The following GPR20 variants were observed in gnomAD, a reference collection of about 807,000 sequenced individuals.
The protein encoded by GPR20 is G protein-coupled receptor 20.
For missense variants in GPR20, 494 were observed against 527.4 expected (o/e 0.94, Z 0.62); for synonymous variants, 241 against 241.9 (o/e 1.00, Z 0.04).
chr8:141,357,619 A>G lies in GPR20; in HGVS notation c.305T>C (p.Val102Ala). 2 of 1,613,978 alleles carry G rather than the reference A, an allele frequency of 1.2e-6. No homozygotes were observed. Among genetic ancestry groups the G allele is most frequent in the Non-Finnish European group, 1.7e-6 (2 of 1,180,006 alleles). Residue 102 changes from valine (V) to alanine (A), a missense_variant, in exon 2 of 2, where the codon GTA (valine) becomes GCA (alanine). Physicochemically the swap from Val to Ala is moderately conservative, Grantham distance 64. Transcript: ENST00000377741. The part of the protein sequence containing the change: ...TINLVVTDLL[V>A]GLSLPTRFAV... Reference sequence around the variant, plus strand: ...GAAGCGCGTGGGCAGGGACAGCCCTACCAGTAGATCGGTCACCACCAGGTT... The same window carrying G: ...GAAGCGCGTGGGCAGGGACAGCCCTGCCAGTAGATCGGTCACCACCAGGTT...
At chr8:141,362,424 T>C (rs1017827740) in intron 1 of GPR20, among the ~76,000 whole-genome samples, 5 of 152,196 alleles carry the variant, frequency 3.3e-5, no homozygotes, top group Middle Eastern at 6.3e-3. Context: ...CTCCCATCTG[T>C]TCCACCAGCC....
chr8:141,357,904 G>C lies in GPR20; in HGVS notation c.20C>G (p.Ala7Gly). The C allele has an allele frequency of 6.4e-7, 1 of 1,568,650 alleles. No homozygotes were observed. Among genetic ancestry groups the C allele is most frequent in the Non-Finnish European group, 8.7e-7 (1 of 1,154,072 alleles). Residue 7 changes from alanine (A) to glycine (G), a missense_variant, in exon 2 of 2, where the codon GCG becomes GGG. Physicochemically the swap from Ala to Gly is moderately conservative, Grantham distance 60. Coordinates refer to ENST00000377741, the MANE Select transcript of GPR20 (RefSeq NM_005293.3). ...GGGGACTGCCCCGGCCGAGGGCCCCGCTGGAGACACAGAGGGCATGACGGC... is the reference window on the plus strand; with the variant it reads ...GGGGACTGCCCCGGCCGAGGGCCCCCCTGGAGACACAGAGGGCATGACGGC... Reference protein sequence around the residue: MPSVSPAGPSAGAVPNA... With the variant: MPSVSPGGPSAGAVPNA...
chr8:141,362,822 C>A (rs770288455), intron 1 of GPR20, among the ~76,000 whole-genome samples: 2 of 151,178 alleles, frequency 1.3e-5, no homozygotes, highest in Non-Finnish European at 2.9e-5. Context: ...GGCGAAATGT[C>A]GGCTCACTGC....
chr8:141,362,061 G>T (rs1472320230), intron 1 of GPR20, among the ~76,000 whole-genome samples: 3 of 152,112 alleles, frequency 2.0e-5, no homozygotes, highest in Non-Finnish European at 4.4e-5. Flanking sequence ...CCTGAGGCCT[G>T]GACTGCTGGG....
chr8:141,360,690 G>A (rs1563706526), intron 1 of GPR20, among the ~76,000 whole-genome samples: 2 of 152,166 alleles, frequency 1.3e-5, no homozygotes, highest in East Asian at 1.9e-4. Flanking sequence ...AGAAGGTTCC[G>A]CCCCTCCTGG....
At chr8:141,367,086 C>T (rs570307463) in intron 1 of GPR20, 115 bp downstream of exon 1, 1 of 152,398 alleles carries the variant, frequency 6.6e-6, no homozygotes, top group East Asian at 1.9e-4. Flanking sequence ...TCTGCCCTGC[C>T]CTTCCCACTC....
chr8:141,365,377 G>T (rs1262670136), intron 1 of GPR20, among the ~76,000 whole-genome samples: 1 of 152,224 alleles, frequency 6.6e-6, no homozygotes, highest in Non-Finnish European at 1.5e-5. Flanking sequence ...GTGCAGGAGG[G>T]GCTGAGCTCT....
intron 1 of GPR20, among the ~76,000 whole-genome samples, chr8:141,359,918 CT>C (rs995871480): frequency 6.6e-6 from 1 of 152,242 alleles, no homozygotes; most frequent in Non-Finnish European, 1.5e-5. Flanking sequence ...GTGCCTTTTG[CT>C]TTTCCAATTT....
intron 1 of GPR20, among the ~76,000 whole-genome samples, chr8:141,364,329 A>G (rs896178100): frequency 6.6e-6 from 1 of 152,196 alleles, no homozygotes; most frequent in Non-Finnish European, 1.5e-5. Flanking sequence ...CTGCCTGTTT[A>G]TTTTTATGAT....
intron 1 of GPR20, among the ~76,000 whole-genome samples, chr8:141,361,799 G>GGGCAGT (rs965555454): frequency 1.3e-5 from 2 of 148,630 alleles, no homozygotes; most frequent in Non-Finnish European, 3.0e-5. Flanking sequence ...GCAGGGGCAG[G>GGGCAGT]TGTGCTGCGG....
intron 1 of GPR20, among the ~76,000 whole-genome samples, chr8:141,365,792 T>A (rs1476697768): frequency 6.6e-6 from 1 of 152,030 alleles, no homozygotes; most frequent in Non-Finnish European, 1.5e-5. Context: ...AACTTAAGGT[T>A]CTTTGGGCCC....
At chr8:141,358,269 G>T (rs1299100187) in intron 1 of GPR20, among the ~76,000 whole-genome samples, 2 of 152,268 alleles carry the variant, frequency 1.3e-5, no homozygotes, top group African/African-American at 4.8e-5. Context: ...CACGTGCGGT[G>T]CAGGGCTGTC....
chr8:141,365,209 T>C (rs1230410741), intron 1 of GPR20, among the ~76,000 whole-genome samples: 1 of 152,232 alleles, frequency 6.6e-6, no homozygotes. Flanking sequence ...GGGAGAGCTA[T>C]GATCCCACAA....
chr8:141,358,230 A>G (rs1462750779), intron 1 of GPR20, among the ~76,000 whole-genome samples: 1 of 152,208 alleles, frequency 6.6e-6, no homozygotes, highest in African/African-American at 2.4e-5. Flanking sequence ...GGTTTCTGCG[A>G]CCGTCCTGGC....
chr8:141,357,844 G>A lies in GPR20; in HGVS notation c.80C>T (p.Ala27Val), dbSNP rs1161800745. The A allele has an allele frequency of 2.5e-6, 4 of 1,612,814 alleles. No homozygotes were observed. The highest frequency in any genetic ancestry group is 1.1e-5 in the South Asian group (1 of 90,984). The change falls in exon 2 of 2, where the codon GCC (alanine) becomes GTC (valine). Residue 27 changes from alanine (A) to valine (V), a missense_variant. Coordinates refer to ENST00000377741, the MANE Select transcript of GPR20 (RefSeq NM_005293.3). ...GAACAGGGGCACCTCCAGCCCGCTG[G>A]CATTGGTCCGCACTGTTGTCACTGC... ...ATAVTTVRTNASGLEVPLFHL... is the reference protein window; with the variant it reads ...ATAVTTVRTNVSGLEVPLFHL...
At position 141,357,002 on chromosome 8, in the gene GPR20, C is replaced by T. The variant is rs559578522; in HGVS notation, c.922G>A (p.Val308Ile). 1.9e-5 allele frequency: 31 copies of T among 1,613,096 alleles called. No homozygotes were observed. In the Admixed American group the frequency reaches 3.0e-4, roughly 16 times the overall value. ...CCGTGCTGGCCGAAGAGGCCTCGGA[C>T]GGTGGCCTGGAAGCCACTGGTGACG... ...CFVTSGFQAT[V>I]RGLFGQHGER... is the part of the protein sequence containing the mutation. The change falls in exon 2 of 2, where the codon GTC becomes ATC. Residue 308 changes from valine (V) to isoleucine (I), a missense_variant. By Grantham distance (29) the Val-to-Ile change is conservative. Coordinates refer to ENST00000377741, the MANE Select transcript of GPR20 (RefSeq NM_005293.3).
chr8:141,357,427 C>T lies in GPR20; in HGVS notation c.497G>A (p.Cys166Tyr), dbSNP rs1432887295. Residue 166 changes from cysteine (C) to tyrosine (Y), a missense_variant, in exon 2 of 2, where the codon TGT (cysteine) becomes TAT (tyrosine). Transcript: ENST00000377741. ...EGSRRCRQPA[C>Y]ARAVCAFVWL... Reference sequence around the variant, plus strand: ...CACGAAGGCGCACACGGCCCTGGCACAGGCAGGCTGGCGGCAGCGGCGGGA... The same window carrying T: ...CACGAAGGCGCACACGGCCCTGGCATAGGCAGGCTGGCGGCAGCGGCGGGA... 1 of 1,606,754 alleles carries T rather than the reference C, an allele frequency of 6.2e-7. No homozygotes were observed.
intron 1 of GPR20, among the ~76,000 whole-genome samples, chr8:141,358,771 C>T (rs749318914): frequency 5.9e-5 from 9 of 152,234 alleles, no homozygotes; most frequent in South Asian, 2.1e-4. Context: ...CCCTGAGAGG[C>T]GGGCACCCCT....
chr8:141,366,629 C>T (rs1329612252), intron 1 of GPR20, among the ~76,000 whole-genome samples: 1 of 152,224 alleles, frequency 6.6e-6, no homozygotes, highest in East Asian at 1.9e-4. Context: ...CTGCAGAGGG[C>T]CTGAGCTGTG....
Sources: allele counts gnomAD v4.1 joint callset (sites outside exome capture counted in the v4.1 genomes callset), GRCh38; gene constraint gnomAD v4.1.1; transcripts MANE v1.5; gene names NCBI Gene and HGNC (gene_info 2026-07-23, HGNC 2026-07-21).